The following TUSC3 variants were observed in gnomAD, a reference collection of about 807,000 sequenced individuals.
TUSC3 encodes the protein tumor suppressor candidate 3.
Under a neutral mutation model 44.8 loss-of-function variants are expected in TUSC3, and 45 were observed. That is an observed-to-expected ratio of 1.00 (90% CI 0.79 to 1.29). The LOEUF (loss-of-function observed/expected upper bound fraction) is 1.29. Ranked by LOEUF, TUSC3 falls within the 50% of genes most tolerant of loss-of-function variation. The pLI, the probability that TUSC3 is intolerant of heterozygous loss-of-function variation, is 0.00. For missense variants in TUSC3, 519 were observed against 437.9 expected (o/e 1.19, Z -1.65); for synonymous variants, 212 against 152.9 (o/e 1.39, Z -2.85).
chr8:15,462,695 A>G (rs1019990912), intron 1 of TUSC3, among the ~76,000 whole-genome samples: 2 of 152,106 alleles, frequency 1.3e-5, no homozygotes, highest in Admixed American at 6.6e-5. Context: ...TTAGTCTATT[A>G]TACTCCTATG....
At chr8:15,550,122 A>G (rs557360170) in intron 1 of TUSC3, among the ~76,000 whole-genome samples, 2 of 151,908 alleles carry the variant, frequency 1.3e-5, no homozygotes, top group East Asian at 2.0e-4. Flanking sequence ...GCTTTTCCAT[A>G]CAATGTCTGT....
the TUSC3 span, among the ~76,000 whole-genome samples, chr8:15,829,196 AC>A: frequency 2.8e-3 from 428 of 152,280 alleles, 1 homozygote; most frequent in African/African-American, 9.9e-3. Flanking sequence ...CCATTAAATT[AC>A]ATTTGTTTCT....
the TUSC3 span, among the ~76,000 whole-genome samples, chr8:15,849,568 A>G: frequency 1.3e-5 from 2 of 152,124 alleles, no homozygotes; most frequent in Admixed American, 6.6e-5. Flanking sequence ...AGGAGTTACA[A>G]TCTCCCCTGC....
At chr8:15,839,886 C>G in the TUSC3 span, among the ~76,000 whole-genome samples, 1 of 152,156 alleles carries the variant, frequency 6.6e-6, no homozygotes, top group Non-Finnish European at 1.5e-5. Flanking sequence ...GGTATATACC[C>G]AAAGGGTTAT....
intron 1 of TUSC3, among the ~76,000 whole-genome samples, chr8:15,604,972 G>A (rs1804456837): frequency 6.6e-6 from 1 of 151,676 alleles, no homozygotes; most frequent in African/African-American, 2.4e-5. Context: ...CAGTTTTTTG[G>A]TAAAGAGATA....
At chr8:15,597,164 A>G (rs2129153020) in intron 1 of TUSC3, among the ~76,000 whole-genome samples, 1 of 151,936 alleles carries the variant, frequency 6.6e-6, no homozygotes, top group South Asian at 2.1e-4. Context: ...TCATGACAGT[A>G]GAAAGAGAGG....
Position 15,552,228 on chromosome 8 carries a change from CAT to C in TUSC3, c.138+11661_138+11662del, listed in dbSNP as rs1253883225. Among the ~76,000 whole-genome samples the C allele has an allele frequency of 1.3e-5, 2 of 151,766 alleles. 1 individual carries two copies. Among genetic ancestry groups the C allele is most frequent in the Non-Finnish European group, 2.9e-5 (2 of 67,898 alleles). On this transcript the variant is annotated intron_variant, in intron 1 of 10. Transcript: ENST00000503731. ...AGTATCATCATCCTAAAATATGGCA[CAT>C]GTTACTGAACAAAGTGCCAAGTTAT... is the stretch of plus-strand genomic sequence containing the variant.
intron 1 of TUSC3, among the ~76,000 whole-genome samples, chr8:15,582,527 A>C (rs1040892463): frequency 2.0e-5 from 3 of 152,252 alleles, no homozygotes; most frequent in African/African-American, 7.2e-5. Flanking sequence ...ATGGCAGTTA[A>C]AAATTAAAGC....
chr8:15,589,218 GT>G (rs1050996197), intron 1 of TUSC3, among the ~76,000 whole-genome samples: 1 of 152,104 alleles, frequency 6.6e-6, no homozygotes, highest in Non-Finnish European at 1.5e-5. Flanking sequence ...GGTGACACAA[GT>G]TTTTTGTAGG....
At chr8:15,598,971 G>C (rs1015374226) in intron 1 of TUSC3, among the ~76,000 whole-genome samples, 7 of 151,698 alleles carry the variant, frequency 4.6e-5, no homozygotes, top group African/African-American at 1.7e-4. Context: ...GAATGCATTT[G>C]CTGGATCAAG....
chr8:15,446,660 G>A (rs1439969640), intron 1 of TUSC3, among the ~76,000 whole-genome samples: 1 of 149,772 alleles, frequency 6.7e-6, no homozygotes, highest in African/African-American at 2.5e-5. Context: ...AGGTTGCAGT[G>A]AGCCGAGATG....
Position 15,558,917 on chromosome 8 carries a change from C to T in TUSC3, c.138+18349C>T, listed in dbSNP as rs569156734. 2.0e-3 allele frequency among the ~76,000 whole-genome samples: 306 copies of T among 151,428 alleles called. 7 individuals carry two copies. Among genetic ancestry groups the T allele is most frequent in the Non-Finnish European group, 2.4e-3 (165 of 67,768 alleles). Reference sequence around the variant, plus strand: ...TCTTTTTCTTTATTAGTCTTGCTAGCGGTCTATCAATCTTGTTGGTCCTTT... The same window carrying T: ...TCTTTTTCTTTATTAGTCTTGCTAGTGGTCTATCAATCTTGTTGGTCCTTT... On this transcript the variant is annotated intron_variant, in intron 1 of 10. Transcript: ENST00000503731.
At chr8:15,520,706 C>T (rs1801285449) in intron 2 of TUSC3, among the ~76,000 whole-genome samples, 1 of 152,166 alleles carries the variant, frequency 6.6e-6, no homozygotes, top group South Asian at 2.1e-4. Flanking sequence ...TTCTCTCTAC[C>T]TATGCAATTC....
chr8:15,755,294 G>T (rs1179379390), intron 9 of TUSC3, among the ~76,000 whole-genome samples: 1 of 152,062 alleles, frequency 6.6e-6, no homozygotes, highest in Non-Finnish European at 1.5e-5. Context: ...ATGAGAGAAT[G>T]CTTGGAAATC....
intron 6 of TUSC3, among the ~76,000 whole-genome samples, chr8:15,696,266 G>T (rs1809159959): frequency 6.6e-6 from 1 of 152,082 alleles, no homozygotes. Flanking sequence ...GACTAGAACG[G>T]GCCAAGGTAC....
chr8:15,511,171 A>G (rs118169027), intron 2 of TUSC3, among the ~76,000 whole-genome samples: 2,252 of 152,236 alleles, frequency 0.015, 27 homozygotes, highest in Middle Eastern at 0.031. Flanking sequence ...ATAAGTTCAA[A>G]TACAGGTCAA....
chr8:15,471,953 C>T (rs1800499652), intron 1 of TUSC3, among the ~76,000 whole-genome samples: 1 of 151,988 alleles, frequency 6.6e-6, no homozygotes, highest in South Asian at 2.1e-4. Flanking sequence ...AGTTGAATAA[C>T]ATAATTGATG....
chr8:15,481,885 A>G (rs1800666693), intron 1 of TUSC3, among the ~76,000 whole-genome samples: 1 of 152,170 alleles, frequency 6.6e-6, no homozygotes, highest in Non-Finnish European at 1.5e-5. Flanking sequence ...TCTGAAAATG[A>G]CACAACAATG....
chr8:15,800,007 T>C, the TUSC3 span, among the ~76,000 whole-genome samples: 3 of 152,124 alleles, frequency 2.0e-5, no homozygotes. Flanking sequence ...CCTGAGAGCT[T>C]TGGGAACCCC....
Sources: allele counts gnomAD v4.1 joint callset (sites outside exome capture counted in the v4.1 genomes callset), GRCh38; gene constraint gnomAD v4.1.1; transcripts MANE v1.5; gene names NCBI Gene and HGNC (gene_info 2026-07-23, HGNC 2026-07-21).